PTPRD: variants seen among roughly 807,000 people sequenced by gnomAD.
PTPRD encodes the protein receptor-type tyrosine-protein phosphatase delta.
Under a neutral mutation model 214.5 loss-of-function variants are expected in PTPRD, and 34 were observed. The ratio of observed to expected loss-of-function variants is 0.16; its 90% confidence interval spans 0.12 to 0.21. The LOEUF is 0.21. Ranked by LOEUF, PTPRD falls within the 10% of genes least tolerant of loss-of-function variation. The probability of loss-of-function intolerance (pLI) is 1.00; values close to 1 mark genes in which losing one functional copy is unlikely to be tolerated. For missense variants in PTPRD, 2,545 were observed against 2,398.7 expected (o/e 1.06, Z -1.27); for synonymous variants, 1,128 against 845.7 (o/e 1.33, Z -5.79).
intron 2 of PTPRD, among the ~76,000 whole-genome samples, chr9:10,526,038 G>C (rs140377706): frequency 5.0e-4 from 76 of 152,132 alleles, no homozygotes; most frequent in Non-Finnish European, 8.2e-4. Flanking sequence ...TTACTCAGTA[G>C]ACTTATCTGA....
At chr9:8,363,322 A>G (rs1292494667) in intron 39 of PTPRD, among the ~76,000 whole-genome samples, 3 of 152,210 alleles carry the variant, frequency 2.0e-5, no homozygotes, top group African/African-American at 7.2e-5. Flanking sequence ...TCTCAATATA[A>G]GCTCTGCTTC....
At chr9:9,194,557 T>C (rs914150720) in intron 9 of PTPRD, among the ~76,000 whole-genome samples, 4 of 152,110 alleles carry the variant, frequency 2.6e-5, no homozygotes, top group Non-Finnish European at 5.9e-5. Context: ...GGGACCACTG[T>C]CATGTACTTG....
intron 7 of PTPRD, among the ~76,000 whole-genome samples, chr9:9,660,768 A>G (rs1006564309): frequency 1.3e-5 from 2 of 151,962 alleles, no homozygotes; most frequent in African/African-American, 2.4e-5. Context: ...ATTCCAACAT[A>G]TACACAGATT....
At chr9:8,421,841 C>CTT (rs532420315) in intron 35 of PTPRD, among the ~76,000 whole-genome samples, 8 of 148,712 alleles carry the variant, frequency 5.4e-5, no homozygotes, top group South Asian at 2.1e-4. Context: ...ATTCACTGAA[C>CTT]TTTTTTTTTT....
At chr9:9,089,713 G>C (rs1272852907) in intron 10 of PTPRD, among the ~76,000 whole-genome samples, 1 of 152,150 alleles carries the variant, frequency 6.6e-6, no homozygotes, top group African/African-American at 2.4e-5. Context: ...TGCAGAGTAA[G>C]AACGAAGGGT....
chr9:9,077,966 G>C (rs1257904462), intron 10 of PTPRD, among the ~76,000 whole-genome samples: 2 of 152,020 alleles, frequency 1.3e-5, no homozygotes. Context: ...AGAAATAAGA[G>C]TGAATAAGAA....
At chr9:9,668,488 A>G (rs1456443468) in intron 7 of PTPRD, among the ~76,000 whole-genome samples, 1 of 152,100 alleles carries the variant, frequency 6.6e-6, no homozygotes, top group Non-Finnish European at 1.5e-5. Flanking sequence ...TTTTTAGTAC[A>G]TTGTTGATTT....
chr9:8,332,010 C>T (rs1464478650), intron 43 of PTPRD, among the ~76,000 whole-genome samples: 2 of 152,102 alleles, frequency 1.3e-5, no homozygotes, highest in African/African-American at 4.8e-5. Flanking sequence ...TCGTTAGTAG[C>T]CATCCACATA....
intron 14 of PTPRD, among the ~76,000 whole-genome samples, chr9:8,572,065 A>C (rs79268439): frequency 2.6e-5 from 4 of 152,094 alleles, no homozygotes; most frequent in African/African-American, 9.7e-5. Context: ...CGCAAAGCAA[A>C]ATGCATTTTT....
chr9:8,443,877 G>C (rs764769676), intron 34 of PTPRD, among the ~76,000 whole-genome samples: 84 of 152,150 alleles, frequency 5.5e-4, no homozygotes, highest in South Asian at 1.0e-3. Flanking sequence ...GGAAAAAGAA[G>C]AAAAATGAAC....
At chr9:10,137,701 TAA>T (rs76032048) in intron 3 of PTPRD, among the ~76,000 whole-genome samples, 37,470 of 72,068 alleles carry the variant, frequency 0.52, 9,840 homozygotes, top group Middle Eastern at 0.74. Context: ...TAGAGTATAA[TAA>T]AAAAAAAAAA....
intron 8 of PTPRD, among the ~76,000 whole-genome samples, chr9:9,453,849 C>T (rs1430919053): frequency 6.6e-6 from 1 of 151,596 alleles, no homozygotes; most frequent in East Asian, 1.9e-4. Flanking sequence ...AAGAGAAACT[C>T]AGAAGGATAA....
At chr9:8,948,095 C>A (rs201294172) in intron 11 of PTPRD, among the ~76,000 whole-genome samples, 1 of 149,572 alleles carries the variant, frequency 6.7e-6, no homozygotes, top group African/African-American at 2.5e-5. Flanking sequence ...TCTCTGCTCA[C>A]TGCAACCTCT....
chr9:9,550,102 C>T (rs2079825154), intron 8 of PTPRD, among the ~76,000 whole-genome samples: 1 of 151,826 alleles, frequency 6.6e-6, no homozygotes, highest in Non-Finnish European at 1.5e-5. Flanking sequence ...GCAGATTACC[C>T]CCCATAACAT....
At chr9:8,692,930 G>C (rs191462440) in intron 12 of PTPRD, among the ~76,000 whole-genome samples, 2 of 152,212 alleles carry the variant, frequency 1.3e-5, no homozygotes, top group Admixed American at 1.3e-4. Context: ...ACTCAGTTTT[G>C]GGTTCCATTC....
At chr9:10,038,290 T>G (rs1019333962) in intron 3 of PTPRD, among the ~76,000 whole-genome samples, 1 of 152,226 alleles carries the variant, frequency 6.6e-6, no homozygotes, top group South Asian at 2.1e-4. Flanking sequence ...GATGGCCTAA[T>G]ACAAAGCCAT....
At chr9:10,211,571 G>T (rs2099517021) in intron 3 of PTPRD, among the ~76,000 whole-genome samples, 1 of 152,082 alleles carries the variant, frequency 6.6e-6, no homozygotes, top group Non-Finnish European at 1.5e-5. Context: ...TGCCAACAGA[G>T]GTGCTCCGGA....
At chr9:8,379,462 A>G (rs911078148) in intron 37 of PTPRD, among the ~76,000 whole-genome samples, 1 of 152,136 alleles carries the variant, frequency 6.6e-6, no homozygotes, top group Non-Finnish European at 1.5e-5. Flanking sequence ...CTTTTTTGCC[A>G]TATGCTAAAC....
rs549520737 is a variant in PTPRD at position 8,350,050 on chromosome 9, T to C, written c.4662-8072A>G. Among the ~76,000 whole-genome samples, 8 of 152,210 alleles carry C rather than the reference T, an allele frequency of 5.3e-5. No individual in the cohort carries two copies. The South Asian group carries it at 1.7e-3, about 32-fold the overall frequency. On this transcript the variant is annotated intron_variant, in intron 39 of 45. Coordinates refer to ENST00000381196, the MANE Select transcript of PTPRD (RefSeq NM_002839.4). ...CTAGGAAATTGTTATTACTTCAATA[T>C]TATCATTCATCCAGTTACAACATTT...
Sources: allele counts gnomAD v4.1 joint callset (sites outside exome capture counted in the v4.1 genomes callset), GRCh38; gene constraint gnomAD v4.1.1; transcripts MANE v1.5; gene names NCBI Gene and HGNC (gene_info 2026-07-23, HGNC 2026-07-21).